GPR153: variants seen among roughly 807,000 people sequenced by gnomAD.
The protein encoded by GPR153 is G protein-coupled receptor 153, also known as probable G protein-coupled receptor 153.
In GPR153, 27 loss-of-function variants were observed where a neutral mutation model predicts 34.1. The ratio of observed to expected loss-of-function variants is 0.79; its 90% confidence interval spans 0.58 to 1.09. GPR153 has a LOEUF of 1.09. GPR153 is among the 50% of genes least tolerant of loss of function. The probability of loss-of-function intolerance (pLI) is 0.00; values close to 1 mark genes in which losing one functional copy is unlikely to be tolerated. For missense variants in GPR153, 848 were observed against 860.2 expected (o/e 0.99, Z 0.18); for synonymous variants, 408 against 405.4 (o/e 1.01, Z -0.08).
In GPR153 at chr1:6,253,906, C is replaced by G. The variant is rs755398589; in HGVS notation, c.598G>C (p.Ala200Pro). The change falls in exon 3 of 6, where the codon GCC (alanine) becomes CCC (proline). Residue 200 changes from alanine (A) to proline (P), a missense_variant. By Grantham distance (27) the Ala-to-Pro change is conservative. Coordinates refer to ENST00000377893, the MANE Select transcript of GPR153 (RefSeq NM_207370.4). ...TCGGCCTGGCGCCCCACCTGCACGGCCAGCGTCTGGAAGAGGGCGATGGCT... is the reference window on the plus strand; with the variant it reads ...TCGGCCTGGCGCCCCACCTGCACGGGCAGCGTCTGGAAGAGGGCGATGGCT... ...CTAIALFQTL[A>P]VQVGRQADRR... The G allele has an allele frequency of 7.5e-6, 12 of 1,609,416 alleles. No homozygotes were observed. The highest frequency in any genetic ancestry group is 9.3e-6 in the Non-Finnish European group (11 of 1,178,270).
chr1:6,254,201 C>T, intron 2 of GPR153, 54 bp from the exon 3 acceptor site: 4 of 1,540,116 alleles, frequency 2.6e-6, no homozygotes, highest in Non-Finnish European at 3.5e-6. Context: ...CAGGGCCTCC[C>T]CAGGCCTCTG....
chr1:6,250,254 C>T (rs1638411622), intron 5 of GPR153, 186 bp downstream of exon 5: 1 of 985,408 alleles, frequency 1.0e-6, no homozygotes, highest in Non-Finnish European at 1.2e-6. Flanking sequence ...TGACAGGGAC[C>T]ATGGGGGTGG....
Position 6,249,120 on chromosome 1 carries a change from G to T in GPR153, c.*218C>A. 1 of 383,998 alleles carries T rather than the reference G, an allele frequency of 2.6e-6. No individual in the cohort carries two copies. Among genetic ancestry groups the T allele is most frequent in the Non-Finnish European group, 4.6e-6 (1 of 219,146 alleles). The allele number at this position is 383,998 out of a possible 1,614,324, so 23.8% of individuals were successfully genotyped here. A position where few individuals can be genotyped will look rare whatever the true frequency, so the allele number is the denominator to read the frequency against. ...CCCCAGGCCCGACCTCACTCGGCCC[G>T]GGACATGCGGTGCCCAGCGCAGTCG... On this transcript the variant is annotated 3_prime_UTR_variant, in exon 6 of 6. Coordinates refer to ENST00000377893, the MANE Select transcript of GPR153 (RefSeq NM_207370.4). The surrounding 1 kb of genome is among the most constrained non-coding windows in gnomAD (Gnocchi z 4.3).
chr1:6,253,033 T>G (rs965589916), intron 3 of GPR153, among the ~76,000 whole-genome samples: 1 of 152,118 alleles, frequency 6.6e-6, no homozygotes, highest in Non-Finnish European at 1.5e-5. Context: ...CAAAGCTCCC[T>G]CTGTCCATCC....
intron 1 of GPR153, among the ~76,000 whole-genome samples, chr1:6,255,472 C>T (rs11121534): frequency 0.7 from 105,518 of 150,774 alleles, 36,985 homozygotes; most frequent in Admixed American, 0.76. Context: ...GCTGGGATTA[C>T]AAGATAACAC....
chr1:6,252,473 C>A (rs1306858262), intron 3 of GPR153, among the ~76,000 whole-genome samples: 1 of 152,178 alleles, frequency 6.6e-6, no homozygotes, highest in East Asian at 1.9e-4. Context: ...CATGAAGCCC[C>A]TGCCCTCCAT....
At position 6,249,558 on chromosome 1, in the gene GPR153, G is replaced by C. The variant is rs2100983280; in HGVS notation, c.1610C>G (p.Ala537Gly). 8.4e-7 allele frequency: 1 copy of C among 1,190,054 alleles called. No individual in the cohort carries two copies. Among genetic ancestry groups the C allele is most frequent in the Non-Finnish European group, 1.0e-6 (1 of 961,464 alleles). 73.7% of individuals were successfully genotyped at this position (1,190,054 alleles called of 1,614,324 possible). A position where few individuals can be genotyped will look rare whatever the true frequency, so the allele number is the denominator to read the frequency against. The change falls in exon 6 of 6, where the codon GCC (alanine) becomes GGC (glycine). Residue 537 changes from alanine (A) to glycine (G), a missense_variant. Physicochemically the swap from Ala to Gly is moderately conservative, Grantham distance 60. Coordinates refer to ENST00000377893, the MANE Select transcript of GPR153 (RefSeq NM_207370.4). The surrounding 1 kb of genome is among the most constrained non-coding windows in gnomAD (Gnocchi z 4.3). ...AAPDGADPGE[A>G]PTPPSSAQRS... ...CTGGGCGCTGCTTGGGGGCGTCGGG[G>C]CCTCTCCGGGATCTGCGCCGTCGGG...
rs1317587598 is a variant in GPR153, at chr1:6,251,197, T to C, written c.979+141A>G. 6 of 704,502 alleles carry C rather than the reference T, an allele frequency of 8.5e-6. No individual in the cohort carries two copies. The highest frequency in any genetic ancestry group is 7.8e-5 in the East Asian group (3 of 38,442). The allele number at this position is 704,502 out of a possible 1,614,324, so 43.6% of individuals were successfully genotyped here. A position where few individuals can be genotyped will look rare whatever the true frequency, so the allele number is the denominator to read the frequency against. On this transcript the variant is annotated intron_variant, in intron 4 of 5. Coordinates refer to ENST00000377893, the MANE Select transcript of GPR153 (RefSeq NM_207370.4). The surrounding 1 kb of genome is among the most constrained non-coding windows in gnomAD (Gnocchi z 4.9). ...TAGGTCCCTTGGACATTCAAGTACATTTGGGGGTGACACGGGGTGTCTGGT... is the reference window on the plus strand; with the variant it reads ...TAGGTCCCTTGGACATTCAAGTACACTTGGGGGTGACACGGGGTGTCTGGT...
chr1:6,249,445 GC>G lies in GPR153; in HGVS notation c.1722del (p.Leu575CysfsTer14), dbSNP rs1391147733. 9.6e-6 allele frequency: 13 copies of G among 1,356,398 alleles called. No individual in the cohort carries two copies. The South Asian group carries it at 1.1e-4, about 11-fold the overall frequency. 84.0% of individuals were successfully genotyped at this position (1,356,398 alleles called of 1,614,324 possible). ...GLSASWGEPG[G>X]LRAAGGGGST... ...CTGCCGCCGCCGCCCGCCGCGCGCA[GC>G]CCCCCGGGCTCGCCCCACGACGCGC... On this transcript the variant is annotated frameshift_variant, in exon 6 of 6. Transcript: ENST00000377893. LOFTEE classifies it high-confidence loss of function. The surrounding 1 kb of genome is among the most constrained non-coding windows in gnomAD (Gnocchi z 4.3).
At chr1:6,250,100 G>A in intron 5 of GPR153, 97 bp from the exon 6 acceptor site, 2 of 1,302,160 alleles carry the variant, frequency 1.5e-6, no homozygotes, top group Non-Finnish European at 2.0e-6. Context: ...GTGGGTCAGG[G>A]ACCAGGCTGC....
Position 6,249,501 on chromosome 1 carries a change from G to A in GPR153, c.1667C>T (p.Ser556Leu). ...GCCGGGGCGCAGAGAGCCGGCGTGC[G>A]AGTGCGCAGAGGGGCGTGGCCCTGG... ...RSPGPRPSAH[S>L]HAGSLRPGLS... Residue 556 changes from serine (S) to leucine (L), a missense_variant, in exon 6 of 6, where the codon TCG (serine) becomes TTG (leucine). Coordinates refer to ENST00000377893, the MANE Select transcript of GPR153 (RefSeq NM_207370.4). The surrounding 1 kb of genome is among the most constrained non-coding windows in gnomAD (Gnocchi z 4.3). The A allele has an allele frequency of 2.4e-6, 3 of 1,267,730 alleles. No individual in the cohort carries two copies. The highest frequency in any genetic ancestry group is 3.0e-6 in the Non-Finnish European group (3 of 1,011,958). The allele number at this position is 1,267,730 out of a possible 1,614,324, so 78.5% of individuals were successfully genotyped here. A position where few individuals can be genotyped will look rare whatever the true frequency, so the allele number is the denominator to read the frequency against.
chr1:6,249,350 G>A lies in GPR153; in HGVS notation c.1818C>T (p.Gly606=). The change falls in exon 6 of 6, where the codon GGC becomes GGT. Residue 606 remains glycine, a synonymous_variant. Coordinates refer to ENST00000377893, the MANE Select transcript of GPR153 (RefSeq NM_207370.4). The surrounding 1 kb of genome is among the most constrained non-coding windows in gnomAD (Gnocchi z 4.3). ...GYATLHSDSL[G]SAS is the part of the protein sequence containing the mutation. Reference sequence around the variant, plus strand: ...GGCGCCGGCGGTCCTAGGACGCGGAGCCCAGCGAGTCCGAGTGCAGCGTGG... The same window carrying A: ...GGCGCCGGCGGTCCTAGGACGCGGAACCCAGCGAGTCCGAGTGCAGCGTGG... 1 of 1,315,808 alleles carries A rather than the reference G, an allele frequency of 7.6e-7. No individual in the cohort carries two copies. 81.5% of individuals were successfully genotyped at this position (1,315,808 alleles called of 1,614,324 possible).
chr1:6,251,416 C>T lies in GPR153; in HGVS notation c.901G>A (p.Asp301Asn), dbSNP rs1245602431. 9.9e-6 allele frequency: 16 copies of T among 1,613,460 alleles called. No individual in the cohort carries two copies. The East Asian group carries it at 1.3e-4, about 13-fold the overall frequency. The change falls in exon 4 of 6, where the codon GAC (aspartate) becomes AAC (asparagine). Residue 301 changes from aspartate to asparagine, a missense_variant. Physicochemically the swap from Asp to Asn is conservative, Grantham distance 23. Coordinates refer to ENST00000377893, the MANE Select transcript of GPR153 (RefSeq NM_207370.4). This position sits in a 1 kb window ranked among gnomAD's most constrained non-coding sequence, Gnocchi z 4.9. ...GCTTTGAGGTCAGCCCGGTAGCGGT[C>T]GCAGGCCCAGAGGAACACAGGCAGC... ...LLLPVFLWAC[D>N]RYRADLKAVR...
Position 6,254,061 on chromosome 1 carries a change from C to G in GPR153, c.443G>C (p.Gly148Ala), listed in dbSNP as rs145297273. Residue 148 changes from glycine (G) to alanine (A), a missense_variant, in exon 3 of 6, where the codon GGC (glycine) becomes GCC (alanine). Transcript: ENST00000377893. The stretch of plus-strand genomic sequence containing the variant: ...GAAGCGCTCGCTGGTGTCGTGCCAG[C>G]CAACGGCAGGCAGGGCCGACAGGAT... Reference protein sequence around the residue: ...SFILSALPAVGWHDTSERFYT... With the variant: ...SFILSALPAVAWHDTSERFYT... 5 of 1,613,566 alleles carry G rather than the reference C, an allele frequency of 3.1e-6. No homozygotes were observed. The highest frequency in any genetic ancestry group is 4.2e-6 in the Non-Finnish European group (5 of 1,179,996).
intron 1 of GPR153, among the ~76,000 whole-genome samples, chr1:6,257,990 A>C (rs1270795481): frequency 6.6e-6 from 1 of 152,100 alleles, no homozygotes; most frequent in Non-Finnish European, 1.5e-5. Context: ...CATCTATAGT[A>C]CCAGATACGC....
chr1:6,253,362 C>T (rs1028941470), intron 3 of GPR153, among the ~76,000 whole-genome samples: 4 of 152,190 alleles, frequency 2.6e-5, no homozygotes, highest in Admixed American at 1.3e-4. Flanking sequence ...TGCCATTGCA[C>T]ATCCAGCCTG....
rs1490213163 is a variant in GPR153 at position 6,249,110 on chromosome 1, C to G, written c.*228G>C. The G allele has an allele frequency of 6.9e-5, 26 of 376,684 alleles. No individual in the cohort carries two copies. The highest frequency in any genetic ancestry group is 1.1e-4 in the Non-Finnish European group (24 of 213,496). The allele number at this position is 376,684 out of a possible 1,614,324, so 23.3% of individuals were successfully genotyped here. A position where few individuals can be genotyped will look rare whatever the true frequency, so the allele number is the denominator to read the frequency against. ...TCACTCAGCTCCCCAGGCCCGACCTCACTCGGCCCGGGACATGCGGTGCCC... is the reference window on the plus strand; with the variant it reads ...TCACTCAGCTCCCCAGGCCCGACCTGACTCGGCCCGGGACATGCGGTGCCC... On this transcript the variant is annotated 3_prime_UTR_variant, in exon 6 of 6. Coordinates refer to ENST00000377893, the MANE Select transcript of GPR153 (RefSeq NM_207370.4). The surrounding 1 kb of genome is among the most constrained non-coding windows in gnomAD (Gnocchi z 4.3).
At position 6,250,531 on chromosome 1, in the gene GPR153, A is replaced by G. The variant is rs764551114; in HGVS notation, c.1073T>C (p.Met358Thr). The G allele has an allele frequency of 6.2e-7, 1 of 1,606,768 alleles. No individual in the cohort carries two copies. Among genetic ancestry groups the G allele is most frequent in the Non-Finnish European group, 8.5e-7 (1 of 1,176,994 alleles). ...YGGDFVALDR[M>T]AKYEISALEG... ...CAGGGCGGAGATCTCATACTTGGCC[A>G]TCCTATCTAGGGCCACAAAATCACC... Residue 358 changes from methionine to threonine, a missense_variant, in exon 5 of 6, where the codon ATG becomes ACG. Transcript: ENST00000377893.
At chr1:6,260,268 C>A (rs1329482489) in intron 1 of GPR153, among the ~76,000 whole-genome samples, 1 of 152,004 alleles carries the variant, frequency 6.6e-6, no homozygotes, top group East Asian at 1.9e-4. Flanking sequence ...TTCCACGGGG[C>A]CCGGCCTGGC....
Sources: allele counts gnomAD v4.1 joint callset (sites outside exome capture counted in the v4.1 genomes callset), GRCh38; gene constraint gnomAD v4.1.1; non-coding constraint Gnocchi (gnomAD v3.1); transcripts MANE v1.5; gene names NCBI Gene and HGNC (gene_info 2026-07-23, HGNC 2026-07-21).